The following CACNA1D variants were observed in gnomAD, a reference collection of about 807,000 sequenced individuals.
CACNA1D encodes calcium voltage-gated channel subunit alpha1 D, also known as voltage-dependent L-type calcium channel subunit alpha-1D.
CACNA1D carries 55 observed loss-of-function variants against 257.1 expected under a neutral mutation model. The ratio of observed to expected loss-of-function variants is 0.21; its 90% CI spans 0.17 to 0.27. CACNA1D has a LOEUF of 0.27. Among genes scored for constraint, CACNA1D ranks in the 10% least tolerant of loss-of-function variants. CACNA1D has a pLI of 1.00. For synonymous variants in CACNA1D, 980 were observed against 1,014.9 expected (o/e 0.97, Z 0.65); for missense variants, 1,876 against 2,784.0 (o/e 0.67, Z 7.34).
intron 3 of CACNA1D, among the ~76,000 whole-genome samples, chr3:53,618,583 C>A (rs2093661893): frequency 6.6e-6 from 1 of 152,206 alleles, no homozygotes; most frequent in Non-Finnish European, 1.5e-5. Flanking sequence ...CAGCCAGAAC[C>A]CACCCGCTTC....
In CACNA1D at chr3:53,779,948, G is replaced by A. The variant is rs148029997; in HGVS notation, c.4588-78G>A. ...ACTAGAAAAGAGATGAGTGATAAAC[G>A]GAAAATAAACATCCAAAAGGATATG... is the stretch of plus-strand genomic sequence containing the variant. On this transcript the variant is annotated intron_variant, in intron 37 of 47. Transcript: ENST00000350061. 5.7e-4 allele frequency: 586 copies of A among 1,030,446 alleles called. 4 individuals are homozygous for A. The Middle Eastern group carries it at 6.6e-3, about 12-fold the overall frequency. 63.8% of individuals were successfully genotyped at this position (1,030,446 alleles called of 1,614,324 possible).
rs761433035 is a variant in CACNA1D at position 53,650,762 on chromosome 3, T to A, written c.484-17T>A. 9.3e-6 allele frequency: 15 copies of A among 1,613,566 alleles called. No homozygotes were observed. Among genetic ancestry groups the A allele is most frequent in the African/African-American group, 2.7e-5 (2 of 74,936 alleles). ...TGCCCCTGCTTTTTTGGTATGTTTC[T>A]TTGTTTTTCTTCACAGGAAAAAGTA... On this transcript the variant is annotated splice_polypyrimidine_tract_variant and intron_variant, in intron 3 of 47. Transcript: ENST00000350061.
At chr3:53,802,928 C>A (rs745808730) in intron 43 of CACNA1D, among the ~76,000 whole-genome samples, 1 of 152,112 alleles carries the variant, frequency 6.6e-6, no homozygotes, top group Non-Finnish European at 1.5e-5. Context: ...TGACAGTTTC[C>A]CCTGTGGCAC....
At chr3:53,678,586 T>C (rs2094398479) in intron 8 of CACNA1D, among the ~76,000 whole-genome samples, 1 of 152,208 alleles carries the variant, frequency 6.6e-6, no homozygotes, top group South Asian at 2.1e-4. Flanking sequence ...AACTAGTTTA[T>C]GTTTTTGAAT....
At chr3:53,565,111 A>G (rs895858057) in intron 3 of CACNA1D, among the ~76,000 whole-genome samples, 1 of 152,094 alleles carries the variant, frequency 6.6e-6, no homozygotes, top group Non-Finnish European at 1.5e-5. Context: ...CCTTATAACA[A>G]ATCAAATTTC....
At chr3:53,742,961 T>C in intron 21 of CACNA1D, 50 bp from the exon 22 acceptor site, 1 of 1,232,160 alleles carries the variant, frequency 8.1e-7, no homozygotes, top group Non-Finnish European at 1.2e-6. Flanking sequence ...CCCAGGTTTC[T>C]TTTCCTTTGG....
At chr3:53,586,766 GC>G (rs2093224695) in intron 3 of CACNA1D, among the ~76,000 whole-genome samples, 1 of 152,140 alleles carries the variant, frequency 6.6e-6, no homozygotes, top group Non-Finnish European at 1.5e-5. Flanking sequence ...TAAGGTACTA[GC>G]CCCCTGGAAA....
chr3:53,556,668 T>C (rs1387790655), intron 3 of CACNA1D, among the ~76,000 whole-genome samples: 1 of 152,122 alleles, frequency 6.6e-6, no homozygotes, highest in Non-Finnish European at 1.5e-5. Flanking sequence ...GCAAATATTT[T>C]CTCTCAGTCT....
chr3:53,582,029 C>T (rs1244139859), intron 3 of CACNA1D, among the ~76,000 whole-genome samples: 1 of 152,158 alleles, frequency 6.6e-6, no homozygotes. Flanking sequence ...ATTGTTTGTA[C>T]TGTATGCACA....
chr3:53,627,824 C>A (rs998267494), intron 3 of CACNA1D, among the ~76,000 whole-genome samples: 1 of 151,928 alleles, frequency 6.6e-6, no homozygotes, highest in African/African-American at 2.4e-5. Context: ...ACCAGCCTGG[C>A]CAACATGGTG....
chr3:53,788,045 G>A (rs75006743), intron 40 of CACNA1D, among the ~76,000 whole-genome samples: 1 of 152,228 alleles, frequency 6.6e-6, no homozygotes, highest in Non-Finnish European at 1.5e-5. Flanking sequence ...GCGCAGCGTT[G>A]TGTGTTCAAA....
intron 2 of CACNA1D, among the ~76,000 whole-genome samples, chr3:53,499,352 T>C (rs1047751615): frequency 6.6e-6 from 1 of 152,104 alleles, no homozygotes; most frequent in Non-Finnish European, 1.5e-5. Flanking sequence ...TTCCTTCTAA[T>C]TCAGGGAGCA....
chr3:53,723,448 G>A lies in CACNA1D; in HGVS notation c.1681G>A (p.Val561Ile), dbSNP rs780941643. The change falls in exon 13 of 48, where the codon GTC (valine) becomes ATC (isoleucine). Residue 561 changes from valine to isoleucine, a missense_variant. By Grantham distance (29) the Val-to-Ile change is conservative (BLOSUM62 3). Around this residue, in one of 10 missense-constraint regions of CACNA1D, gnomAD observed 257 missense variants for 399.7 expected, o/e 0.64. Coordinates refer to ENST00000350061, the MANE Select transcript of CACNA1D (RefSeq NM_001128840.3). This position sits in a 1 kb window ranked among gnomAD's most constrained non-coding sequence, Gnocchi z 5.6. ...LTQIQDIANK[V>I]LLALFTCEML... Reference sequence around the variant, plus strand: ...TGTCTTTCCAGATATTGCCAACAAAGTCCTCTTGGCTCTGTTCACCTGCGA... The same window carrying A: ...TGTCTTTCCAGATATTGCCAACAAAATCCTCTTGGCTCTGTTCACCTGCGA... 6.2e-7 allele frequency: 1 copy of A among 1,614,052 alleles called. No homozygotes were observed. The highest frequency in any genetic ancestry group is 1.7e-5 in the Admixed American group (1 of 60,020).
intron 40 of CACNA1D, chr3:53,791,784 G>T (rs1422781833): frequency 6.6e-6 from 1 of 152,220 alleles, no homozygotes; most frequent in Non-Finnish European, 1.5e-5. Context: ...TCTTTAATTC[G>T]TGCTCAGAGC....
intron 3 of CACNA1D, among the ~76,000 whole-genome samples, chr3:53,502,194 A>G (rs1322890201): frequency 1.3e-5 from 2 of 152,050 alleles, no homozygotes; most frequent in African/African-American, 4.8e-5. Context: ...TAATAAATCT[A>G]CATAGAGCAT....
chr3:53,554,560 T>G (rs1317521754), intron 3 of CACNA1D, among the ~76,000 whole-genome samples: 2 of 152,222 alleles, frequency 1.3e-5, no homozygotes, highest in African/African-American at 2.4e-5. Flanking sequence ...GAACATGCAC[T>G]TAGATTTCGT....
At chr3:53,701,056 G>C (rs947996298) in intron 8 of CACNA1D, among the ~76,000 whole-genome samples, 8 of 151,818 alleles carry the variant, frequency 5.3e-5, no homozygotes, top group Admixed American at 1.3e-4. Flanking sequence ...GTGTCACTGG[G>C]TGTGCAAGCA....
Position 53,746,306 on chromosome 3 carries a change from G to A in CACNA1D, c.3167+431G>A, listed in dbSNP as rs374757953. On this transcript the variant is annotated intron_variant, in intron 25 of 47. Coordinates refer to ENST00000350061, the MANE Select transcript of CACNA1D (RefSeq NM_001128840.3). ...TGGAACTCAACTCCCTGGTGTTTGG[G>A]AACTGGCTCCCTCTTCTTATACACT... Among the ~76,000 whole-genome samples the A allele has an allele frequency of 1.6e-4, 25 of 152,252 alleles. No homozygotes were observed. In the East Asian group the frequency reaches 3.1e-3, roughly 19 times the overall value.
intron 3 of CACNA1D, among the ~76,000 whole-genome samples, chr3:53,519,045 A>G (rs2091453565): frequency 6.6e-6 from 1 of 152,158 alleles, no homozygotes. Flanking sequence ...AAAGTAAGAT[A>G]TTTTACTCCT....
Sources: gnomAD v4.1 joint callset for allele counts (sites outside exome capture counted in the v4.1 genomes callset) on GRCh38, gnomAD v4.1.1 for gene constraint, gnomAD v4.1.1 regional missense constraint, Gnocchi (gnomAD v3.1) non-coding constraint, MANE v1.5 for transcripts, NCBI Gene and HGNC (gene_info 2026-07-23, HGNC 2026-07-21) for gene names.